FTCDNL1: variants seen among roughly 807,000 people sequenced by gnomAD.
FTCDNL1 encodes formiminotransferase N-terminal subdomain-containing protein.
FTCDNL1 carries 11 observed loss-of-function variants against 5.9 expected under a neutral mutation model. The observed-to-expected ratio is 1.87, with a 90% CI of 1.18 to 3.10. The LOEUF (loss-of-function observed/expected upper bound fraction) is 3.10, where lower values mean the gene tolerates loss of function less well. Ranked by LOEUF, FTCDNL1 falls within the 30% of genes most tolerant of loss-of-function variation. The pLI is 0.00. For missense variants in FTCDNL1, 115 were observed against 65.5 expected (o/e 1.76, Z -2.61); for synonymous variants, 58 against 24.8 (o/e 2.34, Z -3.99).
At chr2:199,690,899 A>ATT in the FTCDNL1 span, among the ~76,000 whole-genome samples, 461 of 152,310 alleles carry the variant, frequency 3.0e-3, 4 homozygotes, top group African/African-American at 0.011. Context: ...CCATGGTCTA[A>ATT]ACTTTTGGAT....
the FTCDNL1 span, among the ~76,000 whole-genome samples, chr2:199,673,476 C>T: frequency 6.6e-6 from 1 of 151,838 alleles, no homozygotes; most frequent in Non-Finnish European, 1.5e-5. Context: ...CTAATTTTTG[C>T]TACATAATTT....
chr2:199,848,719 T>C, intron 2 of FTCDNL1, 129 bp downstream of exon 2: 1 of 572,520 alleles, frequency 1.7e-6, no homozygotes. Flanking sequence ...CTGCAACAGC[T>C]CAAGAGCAAG....
At chr2:199,682,545 T>C in the FTCDNL1 span, among the ~76,000 whole-genome samples, 9 of 152,190 alleles carry the variant, frequency 5.9e-5, no homozygotes, top group Middle Eastern at 3.2e-3. Flanking sequence ...CACTCTCATA[T>C]TTTACATACT....
chr2:199,733,671 G>C, the FTCDNL1 span, among the ~76,000 whole-genome samples: 1 of 152,126 alleles, frequency 6.6e-6, no homozygotes, highest in Non-Finnish European at 1.5e-5. Flanking sequence ...GTAACAACAG[G>C]CAAGTTCTTC....
At chr2:199,815,007 T>C (rs1168355773) in intron 4 of FTCDNL1, among the ~76,000 whole-genome samples, 1 of 152,302 alleles carries the variant, frequency 6.6e-6, no homozygotes, top group South Asian at 2.1e-4. Flanking sequence ...CATATGAAAC[T>C]ACAGTTCAAA....
chr2:199,830,096 C>A (rs1384000453), intron 3 of FTCDNL1, among the ~76,000 whole-genome samples: 1 of 151,426 alleles, frequency 6.6e-6, no homozygotes, highest in African/African-American at 2.4e-5. Context: ...GACTTAAAAT[C>A]TTACAAGCAT....
chr2:199,798,381 A>G (rs969744642), intron 3 of FTCDNL1, among the ~76,000 whole-genome samples: 1 of 152,206 alleles, frequency 6.6e-6, no homozygotes, highest in African/African-American at 2.4e-5. Context: ...CTGGCAAACA[A>G]AAGTTATAAT....
the FTCDNL1 span, among the ~76,000 whole-genome samples, chr2:199,746,514 C>A: frequency 2.6e-5 from 4 of 151,848 alleles, no homozygotes; most frequent in Non-Finnish European, 5.9e-5. Flanking sequence ...CCCTTGAGCC[C>A]TATGAGGAGG....
chr2:199,698,960 A>G, the FTCDNL1 span, among the ~76,000 whole-genome samples: 1 of 152,228 alleles, frequency 6.6e-6, no homozygotes, highest in Non-Finnish European at 1.5e-5. Flanking sequence ...ACAGAAATAG[A>G]AAAAATCCTC....
chr2:199,840,630 A>T (rs1267558029), intron 3 of FTCDNL1, among the ~76,000 whole-genome samples: 1 of 152,214 alleles, frequency 6.6e-6, no homozygotes, highest in Non-Finnish European at 1.5e-5. Flanking sequence ...AGTTAAATCA[A>T]TAAGGTAAAA....
At chr2:199,795,120 C>A (rs1381535109) in intron 3 of FTCDNL1, among the ~76,000 whole-genome samples, 1 of 152,228 alleles carries the variant, frequency 6.6e-6, no homozygotes, top group Non-Finnish European at 1.5e-5. Flanking sequence ...ACTTGGACTG[C>A]TGCAAAATGC....
At position 199,793,372 on chromosome 2, in the gene FTCDNL1, G is replaced by A. The variant is rs1022178440; in HGVS notation, c.212-32537C>T. ...TCCTGAGAATAGACGGAGGAGGGGG[G>A]GCATTACTTGAGAAGCAAGTGAAAG... On this transcript the variant is annotated intron_variant, in intron 3 of 3. Transcript: ENST00000416668. Among the ~76,000 whole-genome samples the A allele has an allele frequency of 2.4e-4, 36 of 151,944 alleles. 1 individual carries two copies. The highest frequency in any genetic ancestry group is 4.8e-5 in the African/African-American group (2 of 41,374).
At chr2:199,720,579 T>C in the FTCDNL1 span, among the ~76,000 whole-genome samples, 1 of 152,220 alleles carries the variant, frequency 6.6e-6, no homozygotes. Flanking sequence ...AACCCTGGCC[T>C]GTGACAGCAT....
At chr2:199,742,101 CA>C in the FTCDNL1 span, among the ~76,000 whole-genome samples, 2 of 50,682 alleles carry the variant, frequency 3.9e-5, no homozygotes, top group Non-Finnish European at 1.6e-4. Context: ...CTCTCTGCCT[CA>C]ATTTTTTTTT....
At chr2:199,694,833 CA>C in the FTCDNL1 span, among the ~76,000 whole-genome samples, 2 of 151,432 alleles carry the variant, frequency 1.3e-5, no homozygotes, top group South Asian at 4.2e-4. Flanking sequence ...GACCCTGTCT[CA>C]AAAAAAATTA....
the FTCDNL1 span, among the ~76,000 whole-genome samples, chr2:199,668,978 T>C: frequency 2.0e-5 from 3 of 152,164 alleles, no homozygotes; most frequent in African/African-American, 2.4e-5. Context: ...TCTTTTTTTT[T>C]CCTCTAGGCT....
At chr2:199,835,641 T>C (rs1010256248) in intron 3 of FTCDNL1, among the ~76,000 whole-genome samples, 1 of 152,084 alleles carries the variant, frequency 6.6e-6, no homozygotes, top group Non-Finnish European at 1.5e-5. Context: ...GCCTTGACAC[T>C]GGAAGCCACT....
intron 3 of FTCDNL1, among the ~76,000 whole-genome samples, chr2:199,786,280 T>C (rs1304000582): frequency 1.3e-5 from 2 of 151,754 alleles, no homozygotes; most frequent in Non-Finnish European, 2.9e-5. Flanking sequence ...TGCATACACA[T>C]AATGGGGACT....
chr2:199,732,246 C>G, the FTCDNL1 span, among the ~76,000 whole-genome samples: 1 of 152,196 alleles, frequency 6.6e-6, no homozygotes, highest in African/African-American at 2.4e-5. Flanking sequence ...TCACATTTCA[C>G]TCTAACTGTG....
Sources: gnomAD v4.1 joint callset for allele counts (sites outside exome capture counted in the v4.1 genomes callset) on GRCh38, gnomAD v4.1.1 for gene constraint, MANE v1.5 for transcripts, NCBI Gene and HGNC (gene_info 2026-07-23, HGNC 2026-07-21) for gene names.